LRP1B: variants seen among roughly 807,000 people sequenced by gnomAD.
LRP1B encodes LDL receptor related protein 1B, also known as low-density lipoprotein receptor-related protein 1B.
Under a neutral mutation model 556.6 loss-of-function variants are expected in LRP1B, and 217 were observed. The observed-to-expected ratio is 0.39, with a 90% CI of 0.35 to 0.44. The LOEUF is 0.44. Ranked by LOEUF, LRP1B falls within the 20% of genes least tolerant of loss-of-function variation. LRP1B has a pLI of 1.00. For missense variants in LRP1B, 5,053 were observed against 5,620.8 expected (o/e 0.90, Z 3.23); for synonymous variants, 2,047 against 1,865.8 (o/e 1.10, Z -2.50).
chr2:141,587,742 G>A (rs957963493), intron 2 of LRP1B, among the ~76,000 whole-genome samples: 3 of 152,160 alleles, frequency 2.0e-5, no homozygotes, highest in Admixed American at 2.0e-4. Context: ...TACTTCAGTA[G>A]TTAACAAAAC....
intron 1 of LRP1B, among the ~76,000 whole-genome samples, chr2:141,811,111 C>T (rs1023080484): frequency 1.3e-5 from 2 of 152,026 alleles, no homozygotes; most frequent in African/African-American, 4.8e-5. Context: ...CTCAAGTCCT[C>T]GCAAACTCAT....
chr2:141,916,046 AC>A (rs1700021875), intron 1 of LRP1B, among the ~76,000 whole-genome samples: 1 of 152,184 alleles, frequency 6.6e-6, no homozygotes, highest in African/African-American at 2.4e-5. Context: ...AAACAGAAAT[AC>A]CATTTGATCC....
At chr2:141,367,171 A>G (rs998622032) in intron 3 of LRP1B, among the ~76,000 whole-genome samples, 1 of 152,204 alleles carries the variant, frequency 6.6e-6, no homozygotes, top group African/African-American at 2.4e-5. Flanking sequence ...CATATAGTAC[A>G]ACTTCCTTAT....
rs116679646 is a variant in LRP1B, at chr2:140,562,437, A to C, written c.7195-20466T>G. ...TACAGATACAATGTCTTACTGTGTGAGATTTGATTCACAATTATCTAGAGA... is the reference window on the plus strand; with the variant it reads ...TACAGATACAATGTCTTACTGTGTGCGATTTGATTCACAATTATCTAGAGA... On this transcript the variant is annotated intron_variant, in intron 43 of 90. Transcript: ENST00000389484. Among the ~76,000 whole-genome samples the C allele has an allele frequency of 6.2e-3, 946 of 152,216 alleles. 7 individuals carry two copies. Among genetic ancestry groups the C allele is most frequent in the East Asian group, 0.034 (175 of 5,172 alleles).
chr2:141,269,717 T>C (rs1452409608), intron 3 of LRP1B, among the ~76,000 whole-genome samples: 1 of 152,144 alleles, frequency 6.6e-6, no homozygotes, highest in African/African-American at 2.4e-5. Flanking sequence ...TTACATAAAA[T>C]TCTTTTTTCA....
chr2:140,948,766 T>G (rs1013314945), intron 20 of LRP1B, among the ~76,000 whole-genome samples: 4 of 152,222 alleles, frequency 2.6e-5, no homozygotes, highest in African/African-American at 9.6e-5. Context: ...CTATAGGCCA[T>G]TGTTTAGCCA....
At chr2:141,528,638 C>G (rs1046638700) in intron 2 of LRP1B, among the ~76,000 whole-genome samples, 1 of 152,040 alleles carries the variant, frequency 6.6e-6, no homozygotes, top group African/African-American at 2.4e-5. Flanking sequence ...TGAGTATACA[C>G]AATTTGGAAA....
intron 2 of LRP1B, among the ~76,000 whole-genome samples, chr2:141,502,692 C>G (rs1384635545): frequency 6.6e-6 from 1 of 151,766 alleles, no homozygotes; most frequent in Non-Finnish European, 1.5e-5. Context: ...AACCCCGTCT[C>G]TACTAAAAAC....
intron 32 of LRP1B, among the ~76,000 whole-genome samples, chr2:140,805,683 A>G (rs1690689069): frequency 6.6e-6 from 1 of 152,208 alleles, no homozygotes; most frequent in Admixed American, 6.5e-5. Context: ...TATTTTATTT[A>G]AAACTAATAG....
Position 140,994,027 on chromosome 2 carries a change from AG to A in LRP1B, c.2611del (p.Leu871Ter). 6.2e-7 allele frequency: 1 copy of A among 1,612,704 alleles called. No individual in the cohort carries two copies. Among genetic ancestry groups the A allele is most frequent in the Non-Finnish European group, 8.5e-7 (1 of 1,179,132 alleles). Reference protein sequence around the residue: ...RWKCDGDDDCLDGSDEDSVNC... With the variant: ...RWKCDGDDDCXDGSDEDSVNC... ...TACTGAATCCTCATCGCTTCCGTCT[AG>A]GCAGTCATCGTCGCCATCACATTTC... On this transcript the variant is annotated frameshift_variant, in exon 16 of 91. Transcript: ENST00000389484. LOFTEE classifies it high-confidence loss of function.
At chr2:140,705,700 A>AAT (rs1553516628) in intron 37 of LRP1B, among the ~76,000 whole-genome samples, 20 of 151,696 alleles carry the variant, frequency 1.3e-4, no homozygotes, top group Non-Finnish European at 2.2e-4. Context: ...TGTAAAAAAA[A>AAT]ATGCATAAAA....
chr2:141,363,914 A>G (rs943502120), intron 3 of LRP1B, among the ~76,000 whole-genome samples: 10 of 152,168 alleles, frequency 6.6e-5, no homozygotes, highest in Non-Finnish European at 1.5e-4. Context: ...ACAAATAAAT[A>G]CTTTCTAAAC....
chr2:140,457,187 A>T (rs1687138826), intron 61 of LRP1B, among the ~76,000 whole-genome samples: 1 of 152,204 alleles, frequency 6.6e-6, no homozygotes, highest in Non-Finnish European at 1.5e-5. Flanking sequence ...TTTCAAGAAT[A>T]CAGTCTTCAC....
chr2:141,423,509 C>T (rs1205735446), intron 3 of LRP1B, among the ~76,000 whole-genome samples: 3 of 151,882 alleles, frequency 2.0e-5, no homozygotes, highest in Non-Finnish European at 4.4e-5. Flanking sequence ...ACCCACCCCA[C>T]AAAATATTCT....
chr2:142,025,814 A>G (rs1312958306), intron 1 of LRP1B, among the ~76,000 whole-genome samples: 1 of 152,136 alleles, frequency 6.6e-6, no homozygotes, highest in Non-Finnish European at 1.5e-5. Context: ...AAATAGGATA[A>G]AGCTTTATGT....
chr2:141,013,806 T>A (rs2105386181), intron 13 of LRP1B, 61 bp from the exon 14 acceptor site: 1 of 979,434 alleles, frequency 1.0e-6, no homozygotes, highest in Non-Finnish European at 1.4e-6. Context: ...TAACTAGATA[T>A]TTAGAGAAAG....
intron 46 of LRP1B, among the ~76,000 whole-genome samples, chr2:140,535,675 A>G (rs530104450): frequency 1.3e-5 from 2 of 152,182 alleles, no homozygotes; most frequent in African/African-American, 4.8e-5. Flanking sequence ...AAAATAAATC[A>G]GGACAATTTT....
rs1574064750 is a variant in LRP1B at position 141,544,346 on chromosome 2, C to CTTCTTCTTCTTCTT, written c.206-63827_206-63814dup. 4.9e-4 allele frequency among the ~76,000 whole-genome samples: 42 copies of CTTCTTCTTCTTCTT among 85,022 alleles called. 3 individuals carry two copies. The highest frequency in any genetic ancestry group is 2.3e-3 in the South Asian group (4 of 1,754). 55.8% of individuals were successfully genotyped at this position (85,022 alleles called of 152,430 possible). On this transcript the variant is annotated intron_variant, in intron 2 of 90. Coordinates refer to ENST00000389484, the MANE Select transcript of LRP1B (RefSeq NM_018557.3). Reference sequence around the variant, plus strand: ...TCTTCTTCTTCTTCTTCTTCTTCTTCTTCTTCTTCTTCTTCTTCTTCTTCT... The same window carrying CTTCTTCTTCTTCTT: ...TCTTCTTCTTCTTCTTCTTCTTCTTCTTCTTCTTCTTCTTTTCTTCTTCTTCTTCTTCTTCTTCT...
At chr2:141,291,916 T>C (rs1438665803) in intron 3 of LRP1B, among the ~76,000 whole-genome samples, 1 of 148,122 alleles carries the variant, frequency 6.8e-6, no homozygotes, top group African/African-American at 2.5e-5. Context: ...AAAATTTGAC[T>C]TATTGTAAAA....
Sources: gnomAD v4.1 joint callset for allele counts (sites outside exome capture counted in the v4.1 genomes callset) on GRCh38, gnomAD v4.1.1 for gene constraint, MANE v1.5 for transcripts, NCBI Gene and HGNC (gene_info 2026-07-23, HGNC 2026-07-21) for gene names.